Variants in HSPA12A observed in about 807,000 individuals in gnomAD.
HSPA12A encodes heat shock 70 kDa protein 12A.
In HSPA12A, 28 loss-of-function variants were observed where a neutral mutation model predicts 69.2. The observed-to-expected ratio is 0.40, with a 90% CI of 0.30 to 0.55. HSPA12A has a LOEUF of 0.55. Ranked by LOEUF, HSPA12A falls within the 20% of genes least tolerant of loss-of-function variation. HSPA12A has a pLI of 0.38. For missense variants in HSPA12A, 686 were observed against 900.7 expected, an observed-to-expected ratio of 0.76 and a Z score of 3.05; for synonymous variants, 345 against 370.5, an observed-to-expected ratio of 0.93 and a Z score of 0.79.
intron 2 of HSPA12A, among the ~76,000 whole-genome samples, chr10:116,766,185 C>T (rs572380766): frequency 6.6e-6 from 1 of 152,300 alleles, no homozygotes; most frequent in African/African-American, 2.4e-5. Context: ...AACAATTCAT[C>T]CAGTTTTCCC....
At chr10:116,684,060 T>G in intron 6 of HSPA12A, 98 bp from the exon 7 acceptor site, 1 of 1,004,724 alleles carries the variant, frequency 1.0e-6, no homozygotes, top group East Asian at 2.7e-5. Flanking sequence ...GAGGGCGCAC[T>G]CGTGCTCTGC....
intron 2 of HSPA12A, among the ~76,000 whole-genome samples, chr10:116,767,041 T>C (rs1554889835): frequency 6.6e-6 from 1 of 152,090 alleles, no homozygotes; most frequent in African/African-American, 2.4e-5. Context: ...CTGCAGTTCA[T>C]GACCCTGAGA....
intron 2 of HSPA12A, among the ~76,000 whole-genome samples, chr10:116,804,134 C>T (rs1044120722): frequency 1.3e-5 from 2 of 152,142 alleles, no homozygotes; most frequent in African/African-American, 4.8e-5. Context: ...TCCCTCTTGT[C>T]CTTCCTCCCT....
intron 2 of HSPA12A, among the ~76,000 whole-genome samples, chr10:116,785,314 C>T (rs970924786): frequency 2.0e-5 from 3 of 152,126 alleles, no homozygotes; most frequent in African/African-American, 7.2e-5. Context: ...GTTCTGGCCA[C>T]CACAGCCTAG....
intron 1 of HSPA12A, among the ~76,000 whole-genome samples, chr10:116,712,149 C>T (rs542756061): frequency 2.2e-4 from 33 of 152,170 alleles, no homozygotes; most frequent in Non-Finnish European, 4.4e-4. Flanking sequence ...CTATTAGCTA[C>T]GTGTTAGATA....
At chr10:116,792,519 G>A (rs956269976) in intron 2 of HSPA12A, among the ~76,000 whole-genome samples, 5 of 150,662 alleles carry the variant, frequency 3.3e-5, no homozygotes, top group African/African-American at 9.8e-5. Flanking sequence ...GCACATGCCC[G>A]TAATCCCAGC....
At chr10:116,759,310 A>G (rs1843920844) in intron 2 of HSPA12A, among the ~76,000 whole-genome samples, 1 of 152,222 alleles carries the variant, frequency 6.6e-6, no homozygotes, top group Non-Finnish European at 1.5e-5. Flanking sequence ...TCAGGAGGTC[A>G]GCAAAATGGC....
At chr10:116,759,438 TG>T (rs1554889098) in intron 2 of HSPA12A, among the ~76,000 whole-genome samples, 1 of 152,158 alleles carries the variant, frequency 6.6e-6, no homozygotes, top group Non-Finnish European at 1.5e-5. Flanking sequence ...CACTTCTTAT[TG>T]GACAGAACTA....
At chr10:116,835,426 C>T (rs1224465898) in intron 1 of HSPA12A, among the ~76,000 whole-genome samples, 1 of 152,208 alleles carries the variant, frequency 6.6e-6, no homozygotes, top group South Asian at 2.1e-4. Flanking sequence ...GAGATGACGC[C>T]GAGACTCTGT....
chr10:116,795,617 C>G (rs61872963), intron 2 of HSPA12A, among the ~76,000 whole-genome samples: 14,755 of 140,286 alleles, frequency 0.11, 980 homozygotes, highest in South Asian at 0.18. Flanking sequence ...ACTCGGGAGG[C>G]AGAGGTTGCA....
intron 5 of HSPA12A, among the ~76,000 whole-genome samples, chr10:116,697,410 G>T (rs1849939837): frequency 6.6e-6 from 1 of 151,070 alleles, no homozygotes; most frequent in Non-Finnish European, 1.5e-5. Context: ...GACCCAAGGG[G>T]GCTCACGCTA....
chr10:116,673,527 T>C lies in HSPA12A; in HGVS notation c.*1254A>G, dbSNP rs782465069. The C allele has an allele frequency of 2.6e-5, 4 of 152,216 alleles. No homozygotes were observed. The highest frequency in any genetic ancestry group is 5.9e-5 in the Non-Finnish European group (4 of 68,054). 9.4% of individuals were successfully genotyped at this position (152,216 alleles called of 1,614,324 possible). A position where few individuals can be genotyped will look rare whatever the true frequency, so the allele number is the denominator to read the frequency against. ...ATTTCAGTTGAACCACGATGTGGTA[T>C]ACACTACAAATGCAGATTCTGGTGC... On this transcript the variant is annotated 3_prime_UTR_variant, in exon 12 of 12. Transcript: ENST00000369209.
At chr10:116,784,056 C>T (rs1303638818) in intron 2 of HSPA12A, among the ~76,000 whole-genome samples, 5 of 152,174 alleles carry the variant, frequency 3.3e-5, no homozygotes, top group African/African-American at 1.2e-4. Context: ...CTTATGTATC[C>T]AAAAGATCTC....
At chr10:116,713,497 A>G (rs1218029138) in intron 1 of HSPA12A, among the ~76,000 whole-genome samples, 2 of 152,182 alleles carry the variant, frequency 1.3e-5, no homozygotes, top group Non-Finnish European at 2.9e-5. Flanking sequence ...GGGCAGCATC[A>G]GGCCCATCCT....
rs1554878524 is a variant in HSPA12A, at chr10:116,681,185, C to T, written c.994G>A (p.Glu332Lys). The T allele has an allele frequency of 1.2e-6, 2 of 1,614,158 alleles. No individual in the cohort carries two copies. The highest frequency in any genetic ancestry group is 2.2e-5 in the East Asian group (1 of 44,888). Residue 332 changes from glutamate (E) to lysine (K), a missense_variant, in exon 9 of 12, where the codon GAG becomes AAG. By Grantham distance (56) the Glu-to-Lys change is moderately conservative. Transcript: ENST00000369209. The part of the protein sequence containing the change: ...DLTVHQIRLP[E>K]GHLKELYKAT... ...TTATACAGTTCCTTAAGGTGTCCCT[C>T]CGGTAACCGGATCTGATGGACTGTC... is the stretch of plus-strand genomic sequence containing the variant.
chr10:116,747,646 T>C (rs192652551), intron 2 of HSPA12A, among the ~76,000 whole-genome samples: 443 of 152,330 alleles, frequency 2.9e-3, no homozygotes, highest in Admixed American at 5.1e-3. Flanking sequence ...GCCCAGTGCC[T>C]GGCTTGCAGT....
intron 2 of HSPA12A, among the ~76,000 whole-genome samples, chr10:116,754,266 C>G (rs1843777963): frequency 6.6e-6 from 1 of 152,184 alleles, no homozygotes; most frequent in Non-Finnish European, 1.5e-5. Flanking sequence ...CCCATCCCCC[C>G]TCAGCTCACT....
Position 116,723,757 on chromosome 10 carries a change from A to G in HSPA12A, c.41-16472T>C, listed in dbSNP as rs1850858935. Among the ~76,000 whole-genome samples the G allele has an allele frequency of 6.6e-6, 1 of 152,202 alleles. No homozygotes were observed. The highest frequency in any genetic ancestry group is 1.5e-5 in the Non-Finnish European group (1 of 68,026). ...CCACTAAGCCTCAGGTGGGACCAGC[A>G]GCCCTGCTCCTGCAGTCAGCCTCTC... On this transcript the variant is annotated intron_variant, in intron 1 of 11. Coordinates refer to ENST00000369209, the MANE Select transcript of HSPA12A (RefSeq NM_025015.3). The surrounding 1 kb of genome is among the most constrained non-coding windows in gnomAD (Gnocchi z 4.1).
intron 8 of HSPA12A, among the ~76,000 whole-genome samples, 198 bp from the exon 9 acceptor site, chr10:116,681,454 G>A (rs782166000): frequency 2.4e-4 from 36 of 152,222 alleles, no homozygotes; most frequent in Admixed American, 3.3e-4. Context: ...GTTAGACATG[G>A]ACGATGGAGA....
Sources: gnomAD v4.1 joint callset for allele counts (sites outside exome capture counted in the v4.1 genomes callset) on GRCh38, gnomAD v4.1.1 for gene constraint, Gnocchi (gnomAD v3.1) non-coding constraint, MANE v1.5 for transcripts, NCBI Gene and HGNC (gene_info 2026-07-23, HGNC 2026-07-21) for gene names.